The following PACS2 variants were observed in gnomAD, a reference collection of about 807,000 sequenced individuals.
PACS2 encodes the protein phosphofurin acidic cluster sorting protein 2.
Under a neutral mutation model 113.0 loss-of-function variants are expected in PACS2, and 36 were observed. The observed-to-expected ratio is 0.32, with a 90% CI of 0.24 to 0.42. PACS2 has a LOEUF of 0.42. PACS2 is among the 10% of genes least tolerant of loss of function. The pLI is 1.00. For missense variants in PACS2, 1,015 were observed against 1,239.5 expected (o/e 0.82, Z 2.72); for synonymous variants, 589 against 536.1 (o/e 1.10, Z -1.36).
At chr14:105,314,487 T>G (rs1358483600), upstream of PACS2, 4 of 143,098 alleles carry the variant, frequency 2.8e-5, no homozygotes, top group South Asian at 8.7e-4. Context: ...CCGGGCGGGG[T>G]CTGTGCGCAG....
rs146024720 is a variant in PACS2 at position 105,365,175 on chromosome 14, C to G, written c.424-2038C>G. ...TGCTGGACTAACCCGGGAGGGTGGTCTCAGGGTCAGCAGGGGCAGGAGTGG... is the reference window on the plus strand; with the variant it reads ...TGCTGGACTAACCCGGGAGGGTGGTGTCAGGGTCAGCAGGGGCAGGAGTGG... On this transcript the variant is annotated intron_variant, in intron 4 of 24. Coordinates refer to ENST00000447393, the MANE Select transcript of PACS2 (RefSeq NM_001100913.3). This position sits in a 1 kb window ranked among gnomAD's most constrained non-coding sequence, Gnocchi z 5.1. 7.2e-5 allele frequency among the ~76,000 whole-genome samples: 11 copies of G among 152,282 alleles called. No individual in the cohort carries two copies. The highest frequency in any genetic ancestry group is 2.6e-4 in the Admixed American group (4 of 15,300).
At chr14:105,325,773 A>T (rs1188067205) in intron 1 of PACS2, among the ~76,000 whole-genome samples, 1 of 152,208 alleles carries the variant, frequency 6.6e-6, no homozygotes, top group Non-Finnish European at 1.5e-5. Context: ...CCCTCTTCTC[A>T]AATGCTGTTC....
Position 105,393,248 on chromosome 14 carries a change from G to A in PACS2, c.2509G>A (p.Asp837Asn). 6.2e-7 allele frequency: 1 copy of A among 1,612,876 alleles called. No individual in the cohort carries two copies. Among genetic ancestry groups the A allele is most frequent in the Non-Finnish European group, 8.5e-7 (1 of 1,179,888 alleles). ...GATGTTTCTGCCCAAGAAAGCGAAG[G>A]ACAAGGACGTGGAGTCTAAGAGCCA... ...KVMFLPKKAK[D>N]KDVESKSQCI... Residue 837 changes from aspartate to asparagine, a missense_variant, in exon 24 of 25, where the codon GAC becomes AAC. By Grantham distance (23) the Asp-to-Asn change is conservative. Transcript: ENST00000447393.
chr14:105,384,423 C>T lies in PACS2; in HGVS notation c.1851C>T (p.Ala617=), dbSNP rs1427987855. ...ACAACAACTTCTTCCAGGACCTGGC[C>T]TGGAGAGACCTGTTCAACAAGCTGG... ...YRYNNFFQDL[A]WRDLFNKLEA... Residue 617 remains alanine, a synonymous_variant, in exon 17 of 25, where the codon GCC becomes GCT. Transcript: ENST00000447393. The T allele has an allele frequency of 6.2e-7, 1 of 1,612,326 alleles. No individual in the cohort carries two copies. Among genetic ancestry groups the T allele is most frequent in the Non-Finnish European group, 8.5e-7 (1 of 1,179,710 alleles).
At chr14:105,359,454 C>T (rs976049064) in intron 4 of PACS2, among the ~76,000 whole-genome samples, 7 of 151,868 alleles carry the variant, frequency 4.6e-5, no homozygotes, top group Admixed American at 4.6e-4. Context: ...ATTACAGGTG[C>T]TCATCACCAC....
Position 105,391,758 on chromosome 14 carries a change from C to A in PACS2, c.2247C>A (p.Ser749=), listed in dbSNP as rs1186671810. 3 of 1,593,140 alleles carry A rather than the reference C, an allele frequency of 1.9e-6. No homozygotes were observed. In the African/African-American group the frequency reaches 4.0e-5, roughly 21 times the overall value. Residue 749 remains serine (S), a synonymous_variant, in exon 22 of 25, where the codon TCC becomes TCA. Transcript: ENST00000447393. ...PSSPSVSGGL[S]SPSQGVGAEL... is the part of the protein sequence containing the mutation. ...CCCCGTCGGTGAGCGGAGGCCTGTC[C>A]TCCCCCAGGTAAAGGTGCCTCACGG... is the stretch of plus-strand genomic sequence containing the variant.
chr14:105,376,287 T>C lies in PACS2; in HGVS notation c.802-481T>C, dbSNP rs1321732070. Among the ~76,000 whole-genome samples, 2 of 149,722 alleles carry C rather than the reference T, an allele frequency of 1.3e-5. No individual in the cohort carries two copies. Among genetic ancestry groups the C allele is most frequent in the East Asian group, 4.0e-4 (2 of 5,034 alleles). ...CCCTCCTCCCCCCGCCACCGAGAGCTGCAGGCCACATGATTCCTTTTGGGT... is the reference window on the plus strand; with the variant it reads ...CCCTCCTCCCCCCGCCACCGAGAGCCGCAGGCCACATGATTCCTTTTGGGT... On this transcript the variant is annotated intron_variant, in intron 8 of 24. Coordinates refer to ENST00000447393, the MANE Select transcript of PACS2 (RefSeq NM_001100913.3). This position sits in a 1 kb window ranked among gnomAD's most constrained non-coding sequence, Gnocchi z 4.7.
intron 1 of PACS2, among the ~76,000 whole-genome samples, chr14:105,304,983 T>G (rs1431251567): frequency 6.6e-6 from 1 of 152,150 alleles, no homozygotes; most frequent in African/African-American, 2.4e-5. Flanking sequence ...AATCATATCA[T>G]GTGTGTTCCC....
At chr14:105,362,169 A>C (rs1555406660) in intron 4 of PACS2, among the ~76,000 whole-genome samples, 3 of 152,072 alleles carry the variant, frequency 2.0e-5, no homozygotes, top group Non-Finnish European at 4.4e-5. Flanking sequence ...CTGTCATCCC[A>C]GCACTTTGGG....
In PACS2 at chr14:105,317,306, G is replaced by A. The variant is rs1309959777; in HGVS notation, c.119+2269G>A. Among the ~76,000 whole-genome samples, 1 of 152,088 alleles carries A rather than the reference G, an allele frequency of 6.6e-6. No individual in the cohort carries two copies. The highest frequency in any genetic ancestry group is 2.4e-5 in the African/African-American group (1 of 41,402). On this transcript the variant is annotated intron_variant, in intron 1 of 24. Coordinates refer to ENST00000447393, the MANE Select transcript of PACS2 (RefSeq NM_001100913.3). The surrounding 1 kb of genome is among the most constrained non-coding windows in gnomAD (Gnocchi z 4.2). ...TGTGGACATCGTGTGCCAGTCTTCTGCGTGTGTCTTTCTGGATGGGCAGGG... is the reference window on the plus strand; with the variant it reads ...TGTGGACATCGTGTGCCAGTCTTCTACGTGTGTCTTTCTGGATGGGCAGGG...
At chr14:105,375,703 G>C (rs181047356) in intron 8 of PACS2, among the ~76,000 whole-genome samples, 1 of 152,310 alleles carries the variant, frequency 6.6e-6, no homozygotes, top group African/African-American at 2.4e-5. Flanking sequence ...CCCTGCTGGG[G>C]GAATGTAAGG....
chr14:105,387,462 G>A (rs906146750), intron 19 of PACS2, among the ~76,000 whole-genome samples: 2 of 152,208 alleles, frequency 1.3e-5, no homozygotes, highest in African/African-American at 2.4e-5. Context: ...CAAGGCATCT[G>A]TGCCCTCCGT....
At chr14:105,345,792 C>T (rs181969442) in intron 1 of PACS2, among the ~76,000 whole-genome samples, 1 of 152,222 alleles carries the variant, frequency 6.6e-6, no homozygotes, top group Non-Finnish European at 1.5e-5. Flanking sequence ...CTCTTAGTCT[C>T]TCTCCTCTGT....
At chr14:105,343,355 T>G (rs1202869121) in intron 1 of PACS2, among the ~76,000 whole-genome samples, 3 of 152,128 alleles carry the variant, frequency 2.0e-5, no homozygotes, top group Non-Finnish European at 2.9e-5. Flanking sequence ...TAGGGACATA[T>G]GCTTTCATTT....
In PACS2 at chr14:105,324,715, G is replaced by T. The variant is rs889496348; in HGVS notation, c.119+9678G>T. Among the ~76,000 whole-genome samples the T allele has an allele frequency of 4.6e-5, 7 of 152,050 alleles. No homozygotes were observed. Among genetic ancestry groups the T allele is most frequent in the Admixed American group, 4.6e-4 (7 of 15,278 alleles). Reference sequence around the variant, plus strand: ...GCTCCGGCCTGTGGAGGCCGGTGGCGCCCCGTCTCACCCCACGGATGGGGG... The same window carrying T: ...GCTCCGGCCTGTGGAGGCCGGTGGCTCCCCGTCTCACCCCACGGATGGGGG... On this transcript the variant is annotated intron_variant, in intron 1 of 24. Transcript: ENST00000447393. This position sits in a 1 kb window ranked among gnomAD's most constrained non-coding sequence, Gnocchi z 4.7.
chr14:105,391,449 G>C, intron 21 of PACS2, 182 bp from the exon 22 acceptor site: 1 of 672,734 alleles, frequency 1.5e-6, no homozygotes, highest in Admixed American at 2.7e-5. Context: ...AGGCTGGCAG[G>C]GTTGTCTTCC....
upstream of PACS2, among the ~76,000 whole-genome samples, chr14:105,310,658 C>T (rs1035722427): frequency 1.6e-4 from 25 of 151,940 alleles, no homozygotes; most frequent in Admixed American, 4.6e-4. Flanking sequence ...TTTTTCAGGA[C>T]GGGGCGCAGC....
At chr14:105,362,381 C>G (rs1402260091) in intron 4 of PACS2, among the ~76,000 whole-genome samples, 1 of 147,896 alleles carries the variant, frequency 6.8e-6, no homozygotes, top group South Asian at 2.1e-4. Context: ...CGCGCCACTG[C>G]ACTCCAGCCT....
At chr14:105,304,888 G>A (rs1447631846) in intron 1 of PACS2, among the ~76,000 whole-genome samples, 5 of 152,300 alleles carry the variant, frequency 3.3e-5, no homozygotes, top group East Asian at 1.9e-4. Context: ...GGAAAGACCT[G>A]CCCCCATGAT....
Sources: gnomAD v4.1 joint callset for allele counts (sites outside exome capture counted in the v4.1 genomes callset) on GRCh38, gnomAD v4.1.1 for gene constraint, Gnocchi (gnomAD v3.1) non-coding constraint, MANE v1.5 for transcripts, NCBI Gene and HGNC (gene_info 2026-07-23, HGNC 2026-07-21) for gene names.